The following DACH2 variants were observed in gnomAD, a reference collection of about 807,000 sequenced individuals.
The protein encoded by DACH2 is dachshund family transcription factor 2.
A neutral mutation model predicts 35.8 loss-of-function variants in DACH2; 17 were observed. That is an observed-to-expected ratio of 0.48 (90% CI 0.33 to 0.71). DACH2 has a LOEUF of 0.71. DACH2 is among the 30% of genes least tolerant of loss of function. The pLI, the probability that DACH2 is intolerant of heterozygous loss-of-function variation, is 0.02. For synonymous variants in DACH2, 195 were observed against 177.3 expected (o/e 1.10, Z -0.79); for missense variants, 469 against 472.7 (o/e 0.99, Z 0.07).
intron 3 of DACH2, among the ~76,000 whole-genome samples, chrX:86,575,227 T>C (rs1460468605): frequency 1.8e-5 from 2 of 111,091 alleles, no homozygotes; most frequent in Admixed American, 1.9e-4. Context: ...TATAGTAGAT[T>C]TGGCACTTGA....
intron 7 of DACH2, among the ~76,000 whole-genome samples, chrX:86,781,954 A>G (rs774043704): frequency 8.9e-6 from 1 of 112,198 alleles, no homozygotes; most frequent in Admixed American, 9.5e-5. Context: ...CCACAAGAAA[A>G]CTATTAGAAC....
At chrX:86,577,500 T>G (rs1423908917) in intron 3 of DACH2, among the ~76,000 whole-genome samples, 1 of 111,719 alleles carries the variant, frequency 9.0e-6, no homozygotes, top group Non-Finnish European at 1.9e-5. Flanking sequence ...ATTTTTAGAT[T>G]TACAGAAATG....
intron 4 of DACH2, among the ~76,000 whole-genome samples, chrX:86,656,857 G>GTGTGTGTGTATATATA (rs1333268452): frequency 3.0e-5 from 2 of 66,772 alleles, no homozygotes; most frequent in African/African-American, 1.4e-4. Context: ...GTGTGTGTGT[G>GTGTGTGTGTATATATA]TATATATATA....
chrX:86,294,460 C>T (rs1419217926), intron 1 of DACH2, among the ~76,000 whole-genome samples: 4 of 111,014 alleles, frequency 3.6e-5, no homozygotes, highest in African/African-American at 1.3e-4. Flanking sequence ...TGTTCCGTTG[C>T]TGGTGAGGAA....
intron 2 of DACH2, among the ~76,000 whole-genome samples, chrX:86,436,359 G>A (rs1190689871): frequency 1.5e-5 from 1 of 64,805 alleles, no homozygotes; most frequent in East Asian, 6.6e-4. Context: ...CTAAGGTGGT[G>A]ATATATGTAT....
At chrX:86,245,766 C>T (rs2033268096) in intron 1 of DACH2, among the ~76,000 whole-genome samples, 1 of 111,897 alleles carries the variant, frequency 8.9e-6, no homozygotes, top group Non-Finnish European at 1.9e-5. Context: ...GTTCTATAAG[C>T]CAGAATATCT....
At chrX:86,803,025 T>A (rs1183505251) in intron 7 of DACH2, among the ~76,000 whole-genome samples, 4 of 112,312 alleles carry the variant, frequency 3.6e-5, no homozygotes, top group African/African-American at 1.3e-4. Context: ...CCAGGCTGGT[T>A]TTCTGGAGAA....
At chrX:86,638,835 A>G (rs1243664814) in intron 3 of DACH2, among the ~76,000 whole-genome samples, 2 of 112,272 alleles carry the variant, frequency 1.8e-5, no homozygotes, top group African/African-American at 6.5e-5. Flanking sequence ...TACGATCTAT[A>G]TGGAAACAGT....
chrX:86,270,040 T>TATA (rs200988575), intron 1 of DACH2, among the ~76,000 whole-genome samples: 4 of 79,446 alleles, frequency 5.0e-5, no homozygotes, highest in African/African-American at 1.2e-4. Flanking sequence ...TATATATATA[T>TATA]TTTTTTTTTT....
At chrX:86,673,825 A>T (rs1401659906) in intron 4 of DACH2, among the ~76,000 whole-genome samples, 1 of 111,129 alleles carries the variant, frequency 9.0e-6, no homozygotes, top group Non-Finnish European at 1.9e-5. Context: ...TGAGTTATCA[A>T]GAGATCTGGT....
intron 1 of DACH2, chrX:86,305,121 T>A (rs1006564353): frequency 1.4e-5 from 2 of 139,025 alleles, no homozygotes; most frequent in Non-Finnish European, 3.2e-5. Context: ...TGAGAGTGCT[T>A]TCTGACAGAG....
Position 86,364,144 on chromosome X carries a change from A to AT in DACH2, c.489-12673dup, listed in dbSNP as rs1483270339. Among the ~76,000 whole-genome samples, 102 of 111,276 alleles carry AT rather than the reference A, an allele frequency of 9.2e-4. No homozygotes were observed. The Middle Eastern group carries it at 0.019, about 20-fold the overall frequency. Reference sequence around the variant, plus strand: ...CTATTTTGCATGGCATTGCTATTTAATTTTTTTATTTTTGTTTGCCGCAAT... The same window carrying AT: ...CTATTTTGCATGGCATTGCTATTTAATTTTTTTTATTTTTGTTTGCCGCAAT... On this transcript the variant is annotated intron_variant, in intron 1 of 11. Coordinates refer to ENST00000373125, the MANE Select transcript of DACH2 (RefSeq NM_053281.3).
At chrX:86,593,429 T>C (rs1025325999) in intron 3 of DACH2, among the ~76,000 whole-genome samples, 2 of 106,105 alleles carry the variant, frequency 1.9e-5, no homozygotes, top group Non-Finnish European at 3.8e-5. Context: ...TTTTATTTTA[T>C]TTTATTTTAT....
chrX:86,376,137 CTGTGTGTGTGTGTATGTGTGTG>C (rs961374278), intron 1 of DACH2, among the ~76,000 whole-genome samples: 2 of 94,797 alleles, frequency 2.1e-5, no homozygotes, highest in African/African-American at 8.1e-5. Flanking sequence ...GTATGTATGA[CTGTGTGTGTGTGTATGTGTGTG>C]TGTGTGTGTG....
intron 1 of DACH2, among the ~76,000 whole-genome samples, chrX:86,307,831 A>G (rs1183240715): frequency 1.8e-5 from 2 of 111,831 alleles, no homozygotes; most frequent in African/African-American, 3.3e-5. Context: ...GAGAACAGGA[A>G]TGGGAATGGA....
chrX:86,287,412 C>T (rs750401017), intron 1 of DACH2, among the ~76,000 whole-genome samples: 18 of 111,437 alleles, frequency 1.6e-4, no homozygotes, highest in African/African-American at 4.6e-4. Flanking sequence ...TCCTGTACAT[C>T]GATATTGATA....
chrX:86,178,364 C>G (rs1464724498), intron 1 of DACH2, among the ~76,000 whole-genome samples: 1 of 111,294 alleles, frequency 9.0e-6, no homozygotes, highest in Admixed American at 9.6e-5. Context: ...TATGTTTTCT[C>G]TCTCCGAAAA....
chrX:86,747,434 T>C (rs1330668330), intron 7 of DACH2, among the ~76,000 whole-genome samples: 2 of 111,118 alleles, frequency 1.8e-5, no homozygotes, highest in Non-Finnish European at 3.8e-5. Flanking sequence ...AGTACAGCCA[T>C]ACCCCAGAGA....
intron 1 of DACH2, among the ~76,000 whole-genome samples, chrX:86,347,136 A>AT (rs1306829412): frequency 2.7e-5 from 3 of 111,913 alleles, no homozygotes; most frequent in Non-Finnish European, 5.6e-5. Context: ...CCCAGAGATA[A>AT]TTTTTTTATT....
Sources: allele counts gnomAD v4.1 joint callset (sites outside exome capture counted in the v4.1 genomes callset), GRCh38; gene constraint gnomAD v4.1.1; transcripts MANE v1.5; gene names NCBI Gene and HGNC (gene_info 2026-07-23, HGNC 2026-07-21).